Variants in ASTN2 observed in about 807,000 individuals in gnomAD.
The protein encoded by ASTN2 is astrotactin-2.
Under a neutral mutation model 139.8 loss-of-function variants are expected in ASTN2, and 54 were observed. That is an observed-to-expected ratio of 0.39 (90% CI 0.31 to 0.48). The LOEUF (loss-of-function observed/expected upper bound fraction) is 0.48. Ranked by LOEUF, ASTN2 falls within the 20% of genes least tolerant of loss-of-function variation. The probability of loss-of-function intolerance (pLI) is 0.95; values close to 1 mark genes in which losing one functional copy is unlikely to be tolerated. For missense variants in ASTN2, 1,565 were observed against 1,725.1 expected, an observed-to-expected ratio of 0.91 and a Z score of 1.64; for synonymous variants, 756 against 719.5, an observed-to-expected ratio of 1.05 and a Z score of -0.81.
chr9:117,261,863 T>A (rs917211927), intron 2 of ASTN2, among the ~76,000 whole-genome samples: 1 of 152,200 alleles, frequency 6.6e-6, no homozygotes, highest in Admixed American at 6.5e-5. Flanking sequence ...AAGAAGGATC[T>A]TTTACTGTTG....
chr9:117,008,566 G>C (rs1837425800), intron 6 of ASTN2, among the ~76,000 whole-genome samples: 1 of 152,150 alleles, frequency 6.6e-6, no homozygotes, highest in African/African-American at 2.4e-5. Context: ...GTGCCCCTGG[G>C]TCTTGGTTAC....
intron 2 of ASTN2, among the ~76,000 whole-genome samples, chr9:117,280,427 T>C (rs1417732841): frequency 6.6e-6 from 1 of 152,166 alleles, no homozygotes; most frequent in Non-Finnish European, 1.5e-5. Flanking sequence ...AAAAAAATCT[T>C]ATGTATAACA....
intron 19 of ASTN2, among the ~76,000 whole-genome samples, chr9:116,514,143 T>C (rs1000292242): frequency 6.6e-6 from 1 of 151,880 alleles, no homozygotes; most frequent in East Asian, 1.9e-4. Flanking sequence ...TATCTACCTT[T>C]GGTCTTTGAT....
Position 117,149,140 on chromosome 9 carries a change from C to T in ASTN2, c.1016-7662G>A, listed in dbSNP as rs532263576. Among the ~76,000 whole-genome samples the T allele has an allele frequency of 3.3e-5, 5 of 152,268 alleles. No individual in the cohort carries two copies. In the South Asian group the frequency reaches 6.2e-4, roughly 19 times the overall value. On this transcript the variant is annotated intron_variant, in intron 3 of 22. Transcript: ENST00000313400. ...GTTCAAGTGATTCTCGTGCCTCAGA[C>T]TCCCGAGTAGCTGGGATTATAGGCA... is the stretch of plus-strand genomic sequence containing the variant.
intron 19 of ASTN2, among the ~76,000 whole-genome samples, chr9:116,506,066 T>C (rs1850098027): frequency 6.6e-6 from 1 of 152,152 alleles, no homozygotes; most frequent in Non-Finnish European, 1.5e-5. Flanking sequence ...TTTACCATCA[T>C]TGCCTCCCAA....
At chr9:117,079,354 G>T (rs1393684749) in intron 5 of ASTN2, among the ~76,000 whole-genome samples, 1 of 152,064 alleles carries the variant, frequency 6.6e-6, no homozygotes, top group Non-Finnish European at 1.5e-5. Flanking sequence ...AGACCCTGTC[G>T]AGAGAGAGTG....
intron 18 of ASTN2, among the ~76,000 whole-genome samples, chr9:116,619,039 G>C (rs754041843): frequency 1.3e-5 from 2 of 152,010 alleles, no homozygotes; most frequent in Admixed American, 6.6e-5. Context: ...AGGGGGAAAG[G>C]CTCAAAAAAA....
intron 17 of ASTN2, among the ~76,000 whole-genome samples, chr9:116,641,055 G>C (rs1379467695): frequency 2.0e-5 from 3 of 152,196 alleles, no homozygotes; most frequent in Non-Finnish European, 4.4e-5. Flanking sequence ...AATACTGTCA[G>C]AAGAAAGGGA....
intron 1 of ASTN2, among the ~76,000 whole-genome samples, chr9:117,313,981 C>T (rs1195094423): frequency 1.3e-5 from 2 of 152,166 alleles, no homozygotes; most frequent in African/African-American, 4.8e-5. Context: ...CCTAAAAATT[C>T]CCTCCTTGTT....
intron 10 of ASTN2, among the ~76,000 whole-genome samples, chr9:116,971,317 C>T (rs1367246081): frequency 5.3e-5 from 8 of 152,168 alleles, no homozygotes; most frequent in Admixed American, 2.6e-4. Context: ...CCTTCAACCC[C>T]TCACACTTGA....
intron 10 of ASTN2, among the ~76,000 whole-genome samples, chr9:116,961,155 C>CT (rs1835865038): frequency 6.6e-6 from 1 of 151,976 alleles, no homozygotes; most frequent in Non-Finnish European, 1.5e-5. Context: ...CAAAACCATT[C>CT]TTTTTTCTCT....
chr9:117,032,833 A>G (rs956714518), intron 6 of ASTN2, among the ~76,000 whole-genome samples: 7 of 152,180 alleles, frequency 4.6e-5, no homozygotes, highest in Non-Finnish European at 8.8e-5. Flanking sequence ...TGATGATTTC[A>G]TGGGCTAAGA....
At chr9:116,465,300 T>A (rs1442506843) in intron 20 of ASTN2, among the ~76,000 whole-genome samples, 2 of 152,144 alleles carry the variant, frequency 1.3e-5, no homozygotes, top group East Asian at 1.9e-4. Flanking sequence ...CCCATGAAGA[T>A]AAGCCTTTCT....
chr9:117,333,734 C>A (rs1007636930), intron 1 of ASTN2, among the ~76,000 whole-genome samples: 1 of 152,146 alleles, frequency 6.6e-6, no homozygotes, highest in African/African-American at 2.4e-5. Flanking sequence ...GAACTCCTGA[C>A]CTCAAGTGAT....
intron 5 of ASTN2, among the ~76,000 whole-genome samples, chr9:117,095,168 C>T (rs1828809272): frequency 1.3e-5 from 2 of 152,154 alleles, no homozygotes; most frequent in Non-Finnish European, 2.9e-5. Flanking sequence ...ATGGATCTGC[C>T]CTTTATCACT....
chr9:116,890,138 G>A (rs907095142), intron 10 of ASTN2, among the ~76,000 whole-genome samples: 3 of 152,168 alleles, frequency 2.0e-5, no homozygotes, highest in Admixed American at 6.5e-5. Context: ...CAGGGGGAGC[G>A]AGAAATGTGC....
In ASTN2 at chr9:116,784,218, A is replaced by G. The variant is rs558708739; in HGVS notation, c.2396+21414T>C. On this transcript the variant is annotated intron_variant, in intron 13 of 22. Coordinates refer to ENST00000313400, the MANE Select transcript of ASTN2 (RefSeq NM_001365068.1). ...GTTTACTTCCCCACTTTTCTCCTGA[A>G]CAATTCAATCATAACACCCCTAATG... 2.6e-5 allele frequency among the ~76,000 whole-genome samples: 4 copies of G among 152,332 alleles called. No homozygotes were observed. The East Asian group carries it at 7.7e-4, about 29-fold the overall frequency.
At chr9:117,258,193 G>A (rs1226599202) in intron 2 of ASTN2, among the ~76,000 whole-genome samples, 1 of 152,126 alleles carries the variant, frequency 6.6e-6, no homozygotes, top group Non-Finnish European at 1.5e-5. Flanking sequence ...TGGTGGTGGA[G>A]GGAGGCTGAC....
At chr9:116,881,837 G>A (rs1184314418) in intron 10 of ASTN2, among the ~76,000 whole-genome samples, 1 of 152,204 alleles carries the variant, frequency 6.6e-6, no homozygotes, top group Non-Finnish European at 1.5e-5. Flanking sequence ...TAGACAGTGA[G>A]TTATGGAAAT....
Sources: allele counts gnomAD v4.1 joint callset (sites outside exome capture counted in the v4.1 genomes callset), GRCh38; gene constraint gnomAD v4.1.1; transcripts MANE v1.5; gene names NCBI Gene and HGNC (gene_info 2026-07-23, HGNC 2026-07-21).